The following MINDY4B variants were observed in gnomAD, a reference collection of about 807,000 sequenced individuals.
MINDY4B encodes the protein inactive ubiquitin carboxyl-terminal hydrolase MINDY-4B.
MINDY4B carries 25 observed loss-of-function variants against 16.7 expected under a neutral mutation model. The observed-to-expected ratio is 1.49, with a 90% CI of 1.09 to 2.09. The LOEUF is 2.09. MINDY4B is among the 30% of genes most tolerant of loss of function. The pLI is 0.00. For synonymous variants in MINDY4B, 132 were observed against 61.9 expected, an observed-to-expected ratio of 2.13 and a Z score of -5.32; for missense variants, 327 against 168.4, an observed-to-expected ratio of 1.94 and a Z score of -5.21.
At chr3:150,890,683 G>A (rs751566302) in intron 6 of MINDY4B, 6 of 503,242 alleles carry the variant, frequency 1.2e-5, no homozygotes, top group Non-Finnish European at 2.1e-5. Context: ...CAGTGGATAT[G>A]GAAATATCAT....
chr3:150,882,346 GAGCTGGAA>G (rs1026802005), intron 10 of MINDY4B, among the ~76,000 whole-genome samples: 2 of 152,080 alleles, frequency 1.3e-5, no homozygotes, highest in Non-Finnish European at 2.9e-5. Context: ...TAAAACCCCT[GAGCTGGAA>G]AGCTTTTTGA....
At chr3:150,899,316 T>A (rs1442900885) in intron 3 of MINDY4B, among the ~76,000 whole-genome samples, 1 of 152,310 alleles carries the variant, frequency 6.6e-6, no homozygotes, top group East Asian at 1.9e-4. Flanking sequence ...AGGAAACAGA[T>A]GGCATTCTCA....
intron 3 of MINDY4B, among the ~76,000 whole-genome samples, chr3:150,900,107 G>A (rs936091924): frequency 2.0e-5 from 3 of 152,194 alleles, no homozygotes; most frequent in Non-Finnish European, 4.4e-5. Flanking sequence ...GCCTGGAGGC[G>A]ATGCTCACCT....
Position 150,890,842 on chromosome 3 carries a change from A to G in MINDY4B, c.687+96T>C, listed in dbSNP as rs1711780923. 7 of 649,488 alleles carry G rather than the reference A, an allele frequency of 1.1e-5. 1 individual carries two copies. The highest frequency in any genetic ancestry group is 6.5e-4 in the Middle Eastern group (2 of 3,054). The allele number at this position is 649,488 out of a possible 1,614,324, so 40.2% of individuals were successfully genotyped here. A position where few individuals can be genotyped will look rare whatever the true frequency, so the allele number is the denominator to read the frequency against. On this transcript the variant is annotated intron_variant, in intron 6 of 11. Coordinates refer to ENST00000465419, the MANE Select transcript of MINDY4B (RefSeq NM_001351281.2). ...AGGCACCTCCGGTCACATCAGGAGC[A>G]TGGATGGGGCCCCACCTGCATACAC...
At chr3:150,874,220 G>T (rs67193230) in intron 10 of MINDY4B, among the ~76,000 whole-genome samples, 24,598 of 151,778 alleles carry the variant, frequency 0.16, 2,476 homozygotes, top group East Asian at 0.44. Flanking sequence ...CTTGCCATGT[G>T]GCCCAGGCTG....
intron 9 of MINDY4B, among the ~76,000 whole-genome samples, chr3:150,883,464 G>C (rs1711557497): frequency 6.6e-6 from 1 of 151,972 alleles, no homozygotes; most frequent in African/African-American, 2.4e-5. Context: ...GGCTCTCGGA[G>C]GTAAACTAAG....
Position 150,894,268 on chromosome 3 carries a change from AC to A in MINDY4B, c.346del (p.Val116SerfsTer20), listed in dbSNP as rs1308935601. 3 of 700,648 alleles carry A rather than the reference AC, an allele frequency of 4.3e-6. No individual in the cohort carries two copies. The highest frequency in any genetic ancestry group is 7.8e-6 in the Non-Finnish European group (3 of 384,348). The allele number at this position is 700,648 out of a possible 1,614,324, so 43.4% of individuals were successfully genotyped here. ...RQILFGNTVHVFSYNWKKAYF... is the reference protein window; with the variant it reads ...RQILFGNTVHXFSYNWKKAYF... The stretch of plus-strand genomic sequence containing the variant: ...GGCCTTTTTCCAGTTATAGCTAAAG[AC>A]ATGGACTGTGTTTCCAAACAGGATC... On this transcript the variant is annotated frameshift_variant, in exon 4 of 12. Coordinates refer to ENST00000465419, the MANE Select transcript of MINDY4B (RefSeq NM_001351281.2). LOFTEE classifies it high-confidence loss of function.
chr3:150,901,050 C>G (rs1712103051), intron 3 of MINDY4B: 2 of 152,134 alleles, frequency 1.3e-5, no homozygotes, highest in African/African-American at 4.8e-5. Context: ...CTTTTACAGG[C>G]AAGTATCAAT....
At chr3:150,871,493 C>T (rs1359378020) in intron 11 of MINDY4B, among the ~76,000 whole-genome samples, 1 of 151,832 alleles carries the variant, frequency 6.6e-6, no homozygotes, top group Non-Finnish European at 1.5e-5. Flanking sequence ...ATGTAATACA[C>T]CTTCCCGTAC....
chr3:150,887,102 C>G (rs1711642834), intron 7 of MINDY4B, among the ~76,000 whole-genome samples: 1 of 152,138 alleles, frequency 6.6e-6, no homozygotes, highest in Non-Finnish European at 1.5e-5. Context: ...ACCAGGAGCA[C>G]TATTCTTGTG....
intron 9 of MINDY4B, 87 bp from the exon 10 acceptor site, chr3:150,883,145 A>G: frequency 1.7e-6 from 1 of 577,500 alleles, no homozygotes; most frequent in Non-Finnish European, 3.1e-6. Context: ...ATTAAAAATT[A>G]TTTTTAGTGA....
chr3:150,885,576 C>G (rs1711601983), intron 7 of MINDY4B, 138 bp from the exon 8 acceptor site: 6 of 631,786 alleles, frequency 9.5e-6, no homozygotes, highest in Non-Finnish European at 2.8e-6. Context: ...TCCTCTGCCT[C>G]CATAAGTCTT....
chr3:150,897,126 G>A (rs1899825), intron 3 of MINDY4B, among the ~76,000 whole-genome samples: 7,445 of 152,124 alleles, frequency 0.049, 247 homozygotes, highest in African/African-American at 0.092. Flanking sequence ...TATGTAACAC[G>A]TTACTTAATG....
chr3:150,889,794 T>C (rs927293683), intron 7 of MINDY4B, among the ~76,000 whole-genome samples: 2 of 152,202 alleles, frequency 1.3e-5, no homozygotes, highest in African/African-American at 4.8e-5. Flanking sequence ...ATGTCTTCCA[T>C]TTTCTACCAT....
intron 8 of MINDY4B, among the ~76,000 whole-genome samples, chr3:150,884,315 G>A (rs180825992): frequency 4.3e-4 from 66 of 152,298 alleles, no homozygotes; most frequent in Non-Finnish European, 6.8e-4. Flanking sequence ...GGGAATTGCC[G>A]CATACTAGTA....
At chr3:150,885,533 AT>A (rs922699208) in intron 7 of MINDY4B, 95 bp from the exon 8 acceptor site, 27 of 669,826 alleles carry the variant, frequency 4.0e-5, no homozygotes, top group Non-Finnish European at 6.5e-5. Context: ...GGCTGAGAGA[AT>A]TTTTTCCCCC....
intron 3 of MINDY4B, among the ~76,000 whole-genome samples, chr3:150,895,406 G>C (rs987848281): frequency 2.6e-5 from 4 of 152,186 alleles, no homozygotes; most frequent in Non-Finnish European, 5.9e-5. Flanking sequence ...GAAATCTGCT[G>C]TTAATATGAT....
intron 3 of MINDY4B, among the ~76,000 whole-genome samples, chr3:150,896,033 A>G (rs1344062282): frequency 6.6e-6 from 1 of 152,056 alleles, no homozygotes; most frequent in Non-Finnish European, 1.5e-5. Flanking sequence ...ATTTAACATA[A>G]TCCCAGACTT....
chr3:150,886,325 C>T (rs1440871147), intron 7 of MINDY4B, among the ~76,000 whole-genome samples: 1 of 152,100 alleles, frequency 6.6e-6, no homozygotes, highest in Non-Finnish European at 1.5e-5. Context: ...TATGCTTTTC[C>T]CTTTATGGAT....
Sources: gnomAD v4.1 joint callset for allele counts (sites outside exome capture counted in the v4.1 genomes callset) on GRCh38, gnomAD v4.1.1 for gene constraint, MANE v1.5 for transcripts, NCBI Gene and HGNC (gene_info 2026-07-23, HGNC 2026-07-21) for gene names.